Variants in SNRNP48 observed in about 807,000 individuals in gnomAD.
The protein encoded by SNRNP48 is U11/U12 small nuclear ribonucleoprotein 48 kDa protein.
In SNRNP48, 43 loss-of-function variants were observed where a neutral mutation model predicts 47.0. That is an observed-to-expected ratio of 0.92 (90% CI 0.72 to 1.18). The LOEUF is 1.18. SNRNP48 is among the 50% of genes most tolerant of loss of function. SNRNP48 has a pLI of 0.00. For synonymous variants in SNRNP48, 138 were observed against 144.0 expected (o/e 0.96, Z 0.30); for missense variants, 396 against 422.2 (o/e 0.94, Z 0.54).
chr6:7,606,028 T>C lies in SNRNP48; in HGVS notation c.807-3T>C, dbSNP rs757423017. Reference sequence around the variant, plus strand: ...CTGATTAACATTCTTTTCTGTGTTTTAGGAATGAAGAAAGGCGATCAGCTT... The same window carrying C: ...CTGATTAACATTCTTTTCTGTGTTTCAGGAATGAAGAAAGGCGATCAGCTT... On this transcript the variant is annotated splice_polypyrimidine_tract_variant and splice_region_variant and intron_variant, in intron 7 of 8. Coordinates refer to ENST00000342415, the MANE Select transcript of SNRNP48 (RefSeq NM_152551.4). 5.6e-6 allele frequency: 9 copies of C among 1,594,270 alleles called. No homozygotes were observed. Among genetic ancestry groups the C allele is most frequent in the Middle Eastern group, 1.7e-4 (1 of 5,962 alleles).
chr6:7,604,877 A>T (rs1470804370), intron 6 of SNRNP48, among the ~76,000 whole-genome samples: 1 of 152,176 alleles, frequency 6.6e-6, no homozygotes, highest in Admixed American at 6.5e-5. Context: ...ATAAGGTTTT[A>T]AAAAAATCAT....
intron 4 of SNRNP48, chr6:7,600,114 C>T: frequency 3.0e-5 from 30 of 993,256 alleles, no homozygotes; most frequent in Non-Finnish European, 3.6e-5. Context: ...AATTGATTGA[C>T]TTGAAAGGGA....
chr6:7,601,345 C>A lies in SNRNP48; in HGVS notation c.416C>A (p.Ser139Tyr), dbSNP rs150093632. ...DSDCYNQRIY[S>Y]SLPVEVPLNH... ...TTTATTTTTACTTTAGGAATTTATT[C>A]TTCATTGCCTGTTGAAGTTCCTTTG... The change falls in exon 5 of 9, where the codon TCT becomes TAT. Residue 139 changes from serine (S) to tyrosine (Y), a missense_variant. Transcript: ENST00000342415. The A allele has an allele frequency of 1.9e-4, 292 of 1,566,604 alleles. No homozygotes were observed. The highest frequency in any genetic ancestry group is 2.3e-4 in the Non-Finnish European group (263 of 1,166,892).
In SNRNP48 at chr6:7,593,855, A is replaced by G. The variant is rs759179555; in HGVS notation, c.270+8A>G. On this transcript the variant is annotated splice_region_variant and intron_variant, in intron 2 of 8. Coordinates refer to ENST00000342415, the MANE Select transcript of SNRNP48 (RefSeq NM_152551.4). ...TATACCAAAGAAGAAGAGGTACCAT[A>G]TATTTACTATATTATATATACATAT... 2.0e-6 allele frequency: 3 copies of G among 1,499,936 alleles called. No homozygotes were observed. The Admixed American group carries it at 6.1e-5, about 31-fold the overall frequency. The allele number at this position is 1,499,936 out of a possible 1,614,324, so 92.9% of individuals were successfully genotyped here. A position where few individuals can be genotyped will look rare whatever the true frequency, so the allele number is the denominator to read the frequency against.
chr6:7,592,678 C>G (rs1277377884), intron 1 of SNRNP48, among the ~76,000 whole-genome samples: 1 of 152,050 alleles, frequency 6.6e-6, no homozygotes, highest in Non-Finnish European at 1.5e-5. Context: ...AGATGGAATT[C>G]AAACCAGCTA....
At chr6:7,598,350 C>T (rs990629364) in intron 4 of SNRNP48, among the ~76,000 whole-genome samples, 1 of 151,842 alleles carries the variant, frequency 6.6e-6, no homozygotes, top group Non-Finnish European at 1.5e-5. Flanking sequence ...CAAAAATTAG[C>T]CAGGCGCTAT....
chr6:7,595,062 A>T lies in SNRNP48; in HGVS notation c.367A>T (p.Arg123Ter), dbSNP rs1007892011. Residue 123 changes from arginine to a stop codon, truncating the protein, a stop_gained, in exon 4 of 9, where the codon AGA becomes TGA. Transcript: ENST00000342415. LOFTEE classifies it high-confidence loss of function. ...ACAATTCCAGATAATTAAACAAGCTAGAACTGCAGTTGGGAAAGACAGTGA... is the reference window on the plus strand; with the variant it reads ...ACAATTCCAGATAATTAAACAAGCTTGAACTGCAGTTGGGAAAGACAGTGA... ...DSQFQIIKQA[R>*]TAVGKDSDCY... The T allele has an allele frequency of 1.9e-6, 3 of 1,600,962 alleles. No individual in the cohort carries two copies. Among genetic ancestry groups the T allele is most frequent in the Non-Finnish European group, 2.6e-6 (3 of 1,175,842 alleles).
chr6:7,603,831 ACTT>A (rs1456289919), intron 6 of SNRNP48, among the ~76,000 whole-genome samples: 1 of 152,212 alleles, frequency 6.6e-6, no homozygotes, highest in Non-Finnish European at 1.5e-5. Flanking sequence ...TCCCTAAGAT[ACTT>A]GGCTCATCAG....
At chr6:7,590,504 G>C in intron 1 of SNRNP48, 91 bp downstream of exon 1, 1 of 1,220,770 alleles carries the variant, frequency 8.2e-7, no homozygotes, top group Non-Finnish European at 1.0e-6. Context: ...GCCGCGGAGG[G>C]AAGGGCGAGG....
chr6:7,596,779 T>A (rs1473004175), intron 4 of SNRNP48, among the ~76,000 whole-genome samples: 1 of 152,218 alleles, frequency 6.6e-6, no homozygotes, highest in Admixed American at 6.5e-5. Flanking sequence ...GTCAAGCCTT[T>A]TTTGGCCTCT....
chr6:7,599,646 A>G, intron 4 of SNRNP48: 2 of 1,265,326 alleles, frequency 1.6e-6, no homozygotes, highest in Non-Finnish European at 2.1e-6. Flanking sequence ...TTGTTGCTTA[A>G]CCTTTCCTGT....
intron 5 of SNRNP48, among the ~76,000 whole-genome samples, chr6:7,601,858 TG>T (rs1000240935): frequency 4.6e-5 from 7 of 152,156 alleles, no homozygotes; most frequent in Admixed American, 1.3e-4. Context: ...GTGTTTTTTT[TG>T]TTTTGTTTTT....
intron 4 of SNRNP48, among the ~76,000 whole-genome samples, chr6:7,599,055 A>G (rs1759962867): frequency 6.6e-6 from 1 of 152,166 alleles, no homozygotes. Flanking sequence ...ACAGCATAGG[A>G]TGGGCTTTAG....
chr6:7,592,783 T>G (rs773184289), intron 1 of SNRNP48, among the ~76,000 whole-genome samples: 3 of 151,968 alleles, frequency 2.0e-5, no homozygotes, highest in African/African-American at 4.8e-5. Flanking sequence ...GGAGATGGTG[T>G]TGTATTCCAG....
In SNRNP48 at chr6:7,611,071, A is replaced by G. The variant is rs766701373; in HGVS notation, c.*2198A>G. ...AAGGTACCTTCTCACAAACATTTCT[A>G]ATCTACTGGCTGGAGTGCAGTGGTG... is the stretch of plus-strand genomic sequence containing the variant. On this transcript the variant is annotated 3_prime_UTR_variant, in exon 9 of 9. Coordinates refer to ENST00000342415, the MANE Select transcript of SNRNP48 (RefSeq NM_152551.4). The G allele has an allele frequency of 6.6e-6, 1 of 152,300 alleles. No individual in the cohort carries two copies. Among genetic ancestry groups the G allele is most frequent in the Non-Finnish European group, 1.5e-5 (1 of 68,092 alleles). 9.4% of individuals were successfully genotyped at this position (152,300 alleles called of 1,614,324 possible).
At chr6:7,593,629 T>G in intron 1 of SNRNP48, 105 bp from the exon 2 acceptor site, 1 of 593,852 alleles carries the variant, frequency 1.7e-6, no homozygotes. Context: ...TAGAAGAGGA[T>G]GCACTATACA....
At chr6:7,607,287 C>T (rs1393069259) in intron 8 of SNRNP48, among the ~76,000 whole-genome samples, 1 of 152,214 alleles carries the variant, frequency 6.6e-6, no homozygotes, top group Admixed American at 6.5e-5. Context: ...CCCTGCACTC[C>T]AGCCTGGGCA....
intron 6 of SNRNP48, among the ~76,000 whole-genome samples, chr6:7,603,545 T>G (rs1341254346): frequency 6.6e-6 from 1 of 152,240 alleles, no homozygotes; most frequent in Non-Finnish European, 1.5e-5. Context: ...TCTGATTGCA[T>G]ATAATTATTC....
Position 7,610,268 on chromosome 6 carries a change from G to A in SNRNP48, c.*1395G>A, listed in dbSNP as rs901128748. 4.6e-5 allele frequency: 7 copies of A among 152,160 alleles called. No homozygotes were observed. The highest frequency in any genetic ancestry group is 1.3e-4 in the Admixed American group (2 of 15,276). The allele number at this position is 152,160 out of a possible 1,614,324, so 9.4% of individuals were successfully genotyped here. On this transcript the variant is annotated 3_prime_UTR_variant, in exon 9 of 9. Coordinates refer to ENST00000342415, the MANE Select transcript of SNRNP48 (RefSeq NM_152551.4). Reference sequence around the variant, plus strand: ...GTAGCTGACAGTGACAGAAAGATTGGATTTGGATCAGATTGGCTGTTAGGC... The same window carrying A: ...GTAGCTGACAGTGACAGAAAGATTGAATTTGGATCAGATTGGCTGTTAGGC...
Sources: gnomAD v4.1 joint callset for allele counts (sites outside exome capture counted in the v4.1 genomes callset) on GRCh38, gnomAD v4.1.1 for gene constraint, MANE v1.5 for transcripts, NCBI Gene and HGNC (gene_info 2026-07-23, HGNC 2026-07-21) for gene names.